PHEX: variants seen among roughly 807,000 people sequenced by gnomAD.
PHEX encodes the protein phosphate-regulating neutral endopeptidase PHEX.
PHEX carries 16 observed loss-of-function variants against 68.0 expected under a neutral mutation model. The ratio of observed to expected loss-of-function variants is 0.24; its 90% CI spans 0.16 to 0.36. The LOEUF (loss-of-function observed/expected upper bound fraction) is 0.36, where lower values mean the gene tolerates loss of function less well. Among genes scored for constraint, PHEX ranks in the 10% least tolerant of loss-of-function variants. The probability of loss-of-function intolerance (pLI) is 1.00; values close to 1 mark genes in which losing one functional copy is unlikely to be tolerated. For missense variants in PHEX, 480 were observed against 575.5 expected, an observed-to-expected ratio of 0.83 and a Z score of 1.70; for synonymous variants, 208 against 205.1, an observed-to-expected ratio of 1.01 and a Z score of -0.12.
Position 22,251,187 on chromosome X carries a change from G to T in PHEX, c.*3234G>T, listed in dbSNP as rs1446070356. ...ACAGTGTCCTACTGGTTTGAAGAAAGATATTCTTGGATTATGTGTTTTATA... is the reference window on the plus strand; with the variant it reads ...ACAGTGTCCTACTGGTTTGAAGAAATATATTCTTGGATTATGTGTTTTATA... On this transcript the variant is annotated 3_prime_UTR_variant, in exon 22 of 22. Coordinates refer to ENST00000379374, the MANE Select transcript of PHEX (RefSeq NM_000444.6). 8.9e-6 allele frequency: 1 copy of T among 112,425 alleles called. No homozygotes were observed. Among genetic ancestry groups the T allele is most frequent in the Non-Finnish European group, 1.9e-5 (1 of 53,303 alleles). 9.3% of individuals were successfully genotyped at this position (112,425 alleles called of 1,213,427 possible).
Position 22,178,292 on chromosome X carries a change from A to T in PHEX, c.1502A>T (p.Asp501Val). The change falls in exon 14 of 22, where the codon GAC becomes GTC. Residue 501 changes from aspartate (D) to valine (V), a missense_variant. Coordinates refer to ENST00000379374, the MANE Select transcript of PHEX (RefSeq NM_000444.6). ...ATTCAGATCAAGTTTTCAGAAGCCG[A>T]CTACTTTGGCAACGTCCTACAAACT... ...DLKAIKFSEA[D>V]YFGNVLQTRK... is the part of the protein sequence containing the mutation. 8.3e-7 allele frequency: 1 copy of T among 1,197,900 alleles called. No homozygotes were observed. Among genetic ancestry groups the T allele is most frequent in the Non-Finnish European group, 1.1e-6 (1 of 883,933 alleles).
At chrX:22,125,824 AT>A (rs71663547) in intron 11 of PHEX, among the ~76,000 whole-genome samples, 14,288 of 107,133 alleles carry the variant, frequency 0.13, 1,052 homozygotes, top group African/African-American at 0.28. Flanking sequence ...GGTACCATGC[AT>A]TTTTTTTTTC....
chrX:22,076,704 G>C lies in PHEX; in HGVS notation c.436+230G>C, dbSNP rs112329519. Among the ~76,000 whole-genome samples the C allele has an allele frequency of 0.015, 1,626 of 111,830 alleles. 24 individuals carry two copies. The highest frequency in any genetic ancestry group is 0.05 in the African/African-American group (1,537 of 30,763). ...TTATTTATATGAGTTGGATTCTTTG[G>C]GTATCATTTACTCCCTGAGAAACTT... is the stretch of plus-strand genomic sequence containing the variant. On this transcript the variant is annotated intron_variant, in intron 4 of 21. Coordinates refer to ENST00000379374, the MANE Select transcript of PHEX (RefSeq NM_000444.6).
rs1198426834 is a variant in PHEX, at chrX:22,249,455, AATATATATATATATATAT to A, written c.*1517_*1534del. The A allele has an allele frequency of 2.5e-5, 1 of 39,764 alleles. No individual in the cohort carries two copies. Among genetic ancestry groups the A allele is most frequent in the Non-Finnish European group, 4.1e-5 (1 of 24,474 alleles). 3.3% of individuals were successfully genotyped at this position (39,764 alleles called of 1,213,427 possible). A position where few individuals can be genotyped will look rare whatever the true frequency, so the allele number is the denominator to read the frequency against. On this transcript the variant is annotated 3_prime_UTR_variant, in exon 22 of 22. Transcript: ENST00000379374. ...TTGTGATTCTTTTAAAAAAAAAAAA[AATATATATATATATATAT>A]ATATATATATATATGTATATCTACC... is the stretch of plus-strand genomic sequence containing the variant.
chrX:22,157,280 C>T (rs1057358591), intron 12 of PHEX, among the ~76,000 whole-genome samples: 1 of 112,067 alleles, frequency 8.9e-6, no homozygotes, highest in African/African-American at 3.2e-5. Flanking sequence ...TTGCTTGAGT[C>T]CAGGAGTTTG....
intron 11 of PHEX, among the ~76,000 whole-genome samples, chrX:22,118,514 G>C (rs1021176996): frequency 1.8e-5 from 2 of 110,486 alleles, no homozygotes; most frequent in Non-Finnish European, 3.8e-5. Flanking sequence ...AATGGACTGT[G>C]AAAAACCCTG....
At chrX:22,067,363 A>T (rs1416765880) in intron 3 of PHEX, among the ~76,000 whole-genome samples, 1 of 111,480 alleles carries the variant, frequency 9.0e-6, no homozygotes, top group African/African-American at 3.3e-5. Context: ...CTCACATCAA[A>T]CCCCTATTGC....
intron 5 of PHEX, among the ~76,000 whole-genome samples, chrX:22,087,925 A>G (rs1025794236): frequency 1.8e-5 from 2 of 112,166 alleles, no homozygotes; most frequent in Non-Finnish European, 1.9e-5. Flanking sequence ...TAAAATTTAC[A>G]TAAATTCATT....
At chrX:22,225,560 C>T (rs954500995) in intron 18 of PHEX, among the ~76,000 whole-genome samples, 7 of 102,607 alleles carry the variant, frequency 6.8e-5, no homozygotes, top group African/African-American at 2.6e-4. Context: ...TTAATTCTGC[C>T]ACTGTAGCAA....
At chrX:22,226,567 G>A (rs16981870) in intron 19 of PHEX, 59 bp downstream of exon 19, 1 of 874,933 alleles carries the variant, frequency 1.1e-6, no homozygotes. Flanking sequence ...ACCATATGGG[G>A]GTACCTCAAT....
At chrX:22,177,037 T>C (rs1308963408) in intron 13 of PHEX, among the ~76,000 whole-genome samples, 1 of 111,188 alleles carries the variant, frequency 9.0e-6, no homozygotes, top group African/African-American at 3.3e-5. Flanking sequence ...CCTTCAGTTA[T>C]TTTACTCCTT....
At chrX:22,157,329 T>G (rs1306532125) in intron 12 of PHEX, among the ~76,000 whole-genome samples, 3 of 112,350 alleles carry the variant, frequency 2.7e-5, no homozygotes, top group East Asian at 5.6e-4. Flanking sequence ...CTGTCTATAT[T>G]AAACAAACAA....
At chrX:22,199,100 G>T (rs1934469056) in intron 15 of PHEX, among the ~76,000 whole-genome samples, 1 of 111,246 alleles carries the variant, frequency 9.0e-6, no homozygotes, top group South Asian at 3.8e-4. Flanking sequence ...ACAACATGTG[G>T]GAATTATGGG....
At position 22,248,797 on chromosome X, in the gene PHEX, G is replaced by A. The variant is rs1022734792; in HGVS notation, c.*844G>A. The A allele has an allele frequency of 8.0e-5, 9 of 111,855 alleles. No individual in the cohort carries two copies. Among genetic ancestry groups the A allele is most frequent in the Admixed American group, 2.8e-4 (3 of 10,554 alleles). 9.2% of individuals were successfully genotyped at this position (111,855 alleles called of 1,213,427 possible). A position where few individuals can be genotyped will look rare whatever the true frequency, so the allele number is the denominator to read the frequency against. ...AACTGCAGTGATTGTCTGTCTGCTA[G>A]ACACTTTTTTTTAGCCTAATTCTTG... is the stretch of plus-strand genomic sequence containing the variant. On this transcript the variant is annotated 3_prime_UTR_variant, in exon 22 of 22. Coordinates refer to ENST00000379374, the MANE Select transcript of PHEX (RefSeq NM_000444.6).
chrX:22,138,796 C>T (rs1932335916), intron 12 of PHEX, among the ~76,000 whole-genome samples: 1 of 112,216 alleles, frequency 8.9e-6, no homozygotes, highest in South Asian at 3.7e-4. Context: ...AATGCAGTCA[C>T]CCTGCGTCTG....
At chrX:22,201,333 C>T (rs1035938545) in intron 15 of PHEX, among the ~76,000 whole-genome samples, 2 of 111,019 alleles carry the variant, frequency 1.8e-5, no homozygotes, top group Non-Finnish European at 3.8e-5. Flanking sequence ...CTCACCACCA[C>T]GCCTGGCTAT....
chrX:22,094,407 T>C (rs1277903835), intron 7 of PHEX, among the ~76,000 whole-genome samples: 3 of 112,050 alleles, frequency 2.7e-5, no homozygotes, highest in African/African-American at 9.7e-5. Context: ...TCTGACCGTT[T>C]TTCCTGGAGA....
intron 3 of PHEX, among the ~76,000 whole-genome samples, chrX:22,067,065 G>A (rs1381831798): frequency 3.6e-5 from 4 of 109,803 alleles, no homozygotes; most frequent in Admixed American, 2.9e-4. Flanking sequence ...GCAGTATGGC[G>A]AAACCTCATC....
intron 11 of PHEX, among the ~76,000 whole-genome samples, chrX:22,127,431 T>G (rs995959528): frequency 2.7e-5 from 3 of 111,525 alleles, no homozygotes; most frequent in Non-Finnish European, 5.6e-5. Flanking sequence ...CTCTATTTTT[T>G]TCTTATTTTA....
Sources: gnomAD v4.1 joint callset for allele counts (sites outside exome capture counted in the v4.1 genomes callset) on GRCh38, gnomAD v4.1.1 for gene constraint, MANE v1.5 for transcripts, NCBI Gene and HGNC (gene_info 2026-07-23, HGNC 2026-07-21) for gene names.